The following PINX1 variants were observed in gnomAD, a reference collection of about 807,000 sequenced individuals.
PINX1 encodes the protein PIN2/TERF1-interacting telomerase inhibitor 1.
PINX1 carries 34 observed loss-of-function variants against 25.4 expected under a neutral mutation model. That is an observed-to-expected ratio of 1.34 (90% CI 1.02 to 1.78). The LOEUF (loss-of-function observed/expected upper bound fraction) is 1.78, where lower values mean the gene tolerates loss of function less well. PINX1 is among the 40% of genes most tolerant of loss of function. The pLI is 0.00. For missense variants in PINX1, 592 were observed against 404.9 expected, an observed-to-expected ratio of 1.46 and a Z score of -3.97; for synonymous variants, 197 against 147.7, an observed-to-expected ratio of 1.33 and a Z score of -2.42.
At chr8:10,814,688 G>C (rs1034460047) in intron 6 of PINX1, among the ~76,000 whole-genome samples, 6 of 152,272 alleles carry the variant, frequency 3.9e-5, no homozygotes, top group Admixed American at 2.6e-4. Context: ...CGTTTCAAAA[G>C]GAAAAGACAT....
chr8:10,801,580 G>C (rs140346454), intron 6 of PINX1, among the ~76,000 whole-genome samples: 1 of 152,112 alleles, frequency 6.6e-6, no homozygotes, highest in African/African-American at 2.4e-5. Flanking sequence ...TCCTTTTCTG[G>C]AAGTCCAGGG....
chr8:10,800,292 T>C (rs1469621648), intron 6 of PINX1, among the ~76,000 whole-genome samples: 4 of 152,202 alleles, frequency 2.6e-5, no homozygotes, highest in Non-Finnish European at 1.5e-5. Flanking sequence ...AGTCAACCTG[T>C]TGCTAAACGA....
intron 6 of PINX1, 54 bp downstream of exon 6, chr8:10,820,139 G>A: frequency 8.8e-7 from 1 of 1,130,018 alleles, no homozygotes; most frequent in Non-Finnish European, 1.3e-6. Context: ...CTATACACAG[G>A]TGAAAATCAG....
Position 10,815,641 on chromosome 8 carries a change from C to A in PINX1, c.471+4552G>T, listed in dbSNP as rs1250214246. Among the ~76,000 whole-genome samples, 6 of 152,200 alleles carry A rather than the reference C, an allele frequency of 3.9e-5. No individual in the cohort carries two copies. In the East Asian group the frequency reaches 1.2e-3, roughly 29 times the overall value. On this transcript the variant is annotated intron_variant, in intron 6 of 6. Transcript: ENST00000314787. ...TGCAATTTAAAGGAGGTCACAAACT[C>A]ACTATAGTGAGTGTACCCTGAGATA... is the stretch of plus-strand genomic sequence containing the variant.
chr8:10,768,374 G>A (rs970311577), intron 6 of PINX1, among the ~76,000 whole-genome samples: 3 of 152,196 alleles, frequency 2.0e-5, no homozygotes, highest in Non-Finnish European at 2.9e-5. Flanking sequence ...CTAATTGCTG[G>A]TATTAATCAC....
chr8:10,820,426 C>T, intron 5 of PINX1, 157 bp from the exon 6 acceptor site: 1 of 671,320 alleles, frequency 1.5e-6, no homozygotes, highest in Non-Finnish European at 2.7e-6. Flanking sequence ...CATTACAACT[C>T]TTTCATTAGT....
At chr8:10,800,662 G>A (rs560953588) in intron 6 of PINX1, among the ~76,000 whole-genome samples, 5 of 152,118 alleles carry the variant, frequency 3.3e-5, no homozygotes, top group Admixed American at 3.3e-4. Context: ...TAGAGATGGG[G>A]TTTCACCACA....
intron 6 of PINX1, among the ~76,000 whole-genome samples, chr8:10,806,673 T>C (rs746113083): frequency 3.3e-5 from 5 of 152,136 alleles, no homozygotes; most frequent in Non-Finnish European, 7.4e-5. Context: ...GCAGCCAGTG[T>C]TTCCTCTACA....
intron 6 of PINX1, among the ~76,000 whole-genome samples, chr8:10,771,967 CCTT>C (rs898301692): frequency 1.3e-5 from 2 of 152,216 alleles, no homozygotes; most frequent in Non-Finnish European, 2.9e-5. Flanking sequence ...ATCCATTTCT[CCTT>C]CTGCTCTGTC....
At chr8:10,788,973 C>T (rs1022947304) in intron 6 of PINX1, among the ~76,000 whole-genome samples, 1 of 131,434 alleles carries the variant, frequency 7.6e-6, no homozygotes, top group African/African-American at 2.9e-5. Context: ...AACTGAGGAG[C>T]TCAGGAAAAG....
chr8:10,802,419 G>T (rs890370664), intron 6 of PINX1, among the ~76,000 whole-genome samples: 1 of 152,182 alleles, frequency 6.6e-6, no homozygotes, highest in African/African-American at 2.4e-5. Context: ...GCACTCTGGA[G>T]ACATCAATCA....
intron 6 of PINX1, among the ~76,000 whole-genome samples, chr8:10,797,137 G>A (rs1479137313): frequency 1.3e-5 from 2 of 152,146 alleles, no homozygotes; most frequent in Non-Finnish European, 2.9e-5. Context: ...CGTGGAGGGA[G>A]AAGGGCCTGG....
At chr8:10,830,744 T>C (rs1798203587) in intron 4 of PINX1, among the ~76,000 whole-genome samples, 1 of 152,092 alleles carries the variant, frequency 6.6e-6, no homozygotes, top group South Asian at 2.1e-4. Flanking sequence ...ATTAGGGAAA[T>C]GGAAATCCAA....
At chr8:10,821,896 C>G (rs916192123) in intron 5 of PINX1, 5 of 152,158 alleles carry the variant, frequency 3.3e-5, no homozygotes, top group Admixed American at 2.6e-4. Flanking sequence ...TGCGAGATCA[C>G]AGTTCTAAAA....
At chr8:10,802,010 C>G (rs1802279339) in intron 6 of PINX1, among the ~76,000 whole-genome samples, 1 of 152,122 alleles carries the variant, frequency 6.6e-6, no homozygotes, top group Admixed American at 6.5e-5. Flanking sequence ...GCAATGCATG[C>G]CGTACAAGTG....
At chr8:10,790,552 A>C (rs902554987) in intron 6 of PINX1, among the ~76,000 whole-genome samples, 1 of 152,074 alleles carries the variant, frequency 6.6e-6, no homozygotes, top group Non-Finnish European at 1.5e-5. Context: ...CGGAGCCTCA[A>C]CTGGTCCATA....
Position 10,833,653 on chromosome 8 carries a change from G to GC in PINX1, c.130-670_130-669insG, listed in dbSNP as rs576253813. The GC allele has an allele frequency of 2.1e-3, 75 of 35,306 alleles. 3 individuals are homozygous for GC. The highest frequency in any genetic ancestry group is 3.5e-3 in the Non-Finnish European group (55 of 15,680). The allele number at this position is 35,306 out of a possible 1,614,324, so 2.2% of individuals were successfully genotyped here. On this transcript the variant is annotated intron_variant, in intron 2 of 6. Transcript: ENST00000314787. ...AGGCTGGAGAAGAATGACGACTGGG[G>GC]TGCGGGAGGCTGGAGAAGAATGACG...
intron 6 of PINX1, among the ~76,000 whole-genome samples, chr8:10,799,292 A>T (rs769985910): frequency 5.3e-5 from 8 of 152,192 alleles, no homozygotes; most frequent in Non-Finnish European, 8.8e-5. Context: ...GATGGTCTCA[A>T]CAGAACTGTT....
At chr8:10,832,566 C>T (rs80289332) in intron 3 of PINX1, among the ~76,000 whole-genome samples, 13,418 of 152,244 alleles carry the variant, frequency 0.088, 775 homozygotes, top group Non-Finnish European at 0.13. Context: ...CTCAGAGATA[C>T]GGAACTAACC....
Sources: allele counts gnomAD v4.1 joint callset (sites outside exome capture counted in the v4.1 genomes callset), GRCh38; gene constraint gnomAD v4.1.1; transcripts MANE v1.5; gene names NCBI Gene and HGNC (gene_info 2026-07-23, HGNC 2026-07-21).